Variants in PIK3C3 observed in about 807,000 individuals in gnomAD.
PIK3C3 encodes the protein phosphatidylinositol 3-kinase catalytic subunit type 3, also known as PI3-kinase type 3.
Under a neutral mutation model 126.1 loss-of-function variants are expected in PIK3C3, and 95 were observed. The ratio of observed to expected loss-of-function variants is 0.75; its 90% CI spans 0.64 to 0.89. The LOEUF is 0.89. PIK3C3 is among the 40% of genes least tolerant of loss of function. The probability of loss-of-function intolerance (pLI) is 0.00; values close to 1 mark genes in which losing one functional copy is unlikely to be tolerated. For synonymous variants in PIK3C3, 374 were observed against 360.0 expected (o/e 1.04, Z -0.44); for missense variants, 829 against 1,063.2 (o/e 0.78, Z 3.06).
rs555714824 is a variant in PIK3C3 at position 42,085,322 on chromosome 18, T to C, written c.*4185T>C. ...ATTTGCTGTAACATTTTAAGAAATATGTAGTTTCTAAAACTTCATATACTT... is the reference window on the plus strand; with the variant it reads ...ATTTGCTGTAACATTTTAAGAAATACGTAGTTTCTAAAACTTCATATACTT... On this transcript the variant is annotated 3_prime_UTR_variant, in exon 25 of 25. Transcript: ENST00000262039. 3 of 152,302 alleles carry C rather than the reference T, an allele frequency of 2.0e-5. No individual in the cohort carries two copies. Among genetic ancestry groups the C allele is most frequent in the South Asian group, 2.1e-4 (1 of 4,822 alleles). 9.4% of individuals were successfully genotyped at this position (152,302 alleles called of 1,614,324 possible).
chr18:42,013,874 C>T (rs935715674), intron 11 of PIK3C3, among the ~76,000 whole-genome samples: 3 of 152,026 alleles, frequency 2.0e-5, no homozygotes, highest in Admixed American at 6.6e-5. Flanking sequence ...TATGTGTCTC[C>T]GGTTTCTTAA....
intron 1 of PIK3C3, among the ~76,000 whole-genome samples, chr18:41,956,495 T>C (rs962268369): frequency 6.6e-6 from 1 of 152,092 alleles, no homozygotes; most frequent in Non-Finnish European, 1.5e-5. Flanking sequence ...ATGAATGCAT[T>C]TTTTGAAATG....
chr18:42,010,405 G>C (rs1982768132), intron 10 of PIK3C3, among the ~76,000 whole-genome samples: 1 of 152,026 alleles, frequency 6.6e-6, no homozygotes, highest in Admixed American at 6.6e-5. Flanking sequence ...TCCTTCTGTT[G>C]CCCAGGCTGG....
intron 4 of PIK3C3, chr18:41,971,067 T>C (rs1189771736): frequency 3.9e-5 from 6 of 153,276 alleles, no homozygotes; most frequent in African/African-American, 1.4e-4. Flanking sequence ...AAAATTGTTT[T>C]AATCAAGTGT....
intron 16 of PIK3C3, 71 bp downstream of exon 16, chr18:42,034,028 G>T: frequency 9.5e-7 from 1 of 1,056,394 alleles, no homozygotes; most frequent in South Asian, 1.7e-5. Flanking sequence ...ATACTACCTT[G>T]GAAAACTATT....
intron 2 of PIK3C3, among the ~76,000 whole-genome samples, chr18:41,961,612 A>T (rs1476652156): frequency 6.6e-6 from 1 of 152,190 alleles, no homozygotes; most frequent in East Asian, 1.9e-4. Context: ...CCCTTAGATA[A>T]TAACTTTGAA....
At chr18:42,072,232 G>A (rs987248646) in intron 24 of PIK3C3, among the ~76,000 whole-genome samples, 18 of 152,090 alleles carry the variant, frequency 1.2e-4, no homozygotes, top group African/African-American at 3.9e-4. Flanking sequence ...ATTGTGGATA[G>A]TAGAACCAAC....
intron 4 of PIK3C3, among the ~76,000 whole-genome samples, chr18:41,975,243 C>A (rs1216645603): frequency 6.6e-6 from 1 of 152,178 alleles, no homozygotes; most frequent in Non-Finnish European, 1.5e-5. Context: ...AGAATAGGTT[C>A]ATGCCAACCA....
intron 3 of PIK3C3, among the ~76,000 whole-genome samples, chr18:41,969,791 C>T (rs1980561282): frequency 6.6e-6 from 1 of 152,060 alleles, no homozygotes; most frequent in Admixed American, 6.6e-5. Context: ...GATACAAGTC[C>T]TTTTATCCTA....
intron 24 of PIK3C3, among the ~76,000 whole-genome samples, chr18:42,074,068 A>G (rs1985882944): frequency 6.6e-6 from 1 of 152,162 alleles, no homozygotes; most frequent in Admixed American, 6.5e-5. Flanking sequence ...AGTTACTTGA[A>G]AGTCGCTCTT....
At chr18:42,019,958 C>A (rs1983248541) in intron 12 of PIK3C3, among the ~76,000 whole-genome samples, 1 of 151,978 alleles carries the variant, frequency 6.6e-6, no homozygotes, top group Non-Finnish European at 1.5e-5. Flanking sequence ...ATTATACTTC[C>A]AAGATATTTC....
chr18:41,972,380 CTACT>C (rs1246725442), intron 4 of PIK3C3, among the ~76,000 whole-genome samples: 20 of 151,970 alleles, frequency 1.3e-4, no homozygotes, highest in African/African-American at 4.8e-4. Flanking sequence ...CAAGTGGATC[CTACT>C]TTTTCAAGAG....
intron 4 of PIK3C3, among the ~76,000 whole-genome samples, chr18:41,987,409 A>T (rs1981537518): frequency 1.3e-5 from 2 of 152,052 alleles, no homozygotes; most frequent in Admixed American, 1.3e-4. Flanking sequence ...ATTACCTGTA[A>T]CTGTCATTTT....
chr18:42,037,890 T>A (rs981246733), intron 17 of PIK3C3, 70 bp downstream of exon 17: 2 of 1,379,262 alleles, frequency 1.5e-6, no homozygotes, highest in East Asian at 4.6e-5. Flanking sequence ...GTTCATTTGC[T>A]GTTTATGGAA....
rs150329451 is a variant in PIK3C3 at position 41,970,424 on chromosome 18, C to G, written c.499C>G (p.Leu167Val). Residue 167 changes from leucine to valine, a missense_variant, in exon 4 of 25, where the codon CTC (leucine) becomes GTC (valine). Leu to Val is a conservative substitution (Grantham distance 32, BLOSUM62 1). Coordinates refer to ENST00000262039, the MANE Select transcript of PIK3C3 (RefSeq NM_002647.4). ...AACTCCTGGCAGAACAAGTAGCACT[C>G]TCTCAGAAGATCAGATGAGCCGTCT... ...TKTPGRTSST[L>V]SEDQMSRLAK... The G allele has an allele frequency of 5.6e-6, 9 of 1,613,780 alleles. No individual in the cohort carries two copies. In the South Asian group the frequency reaches 6.6e-5, roughly 12 times the overall value.
At position 42,013,319 on chromosome 18, in the gene PIK3C3, A is replaced by G; in HGVS notation, c.1171-123A>G. 4.8e-6 allele frequency: 3 copies of G among 623,704 alleles called. No individual in the cohort carries two copies. The South Asian group carries it at 6.9e-5, about 14-fold the overall frequency. 38.6% of individuals were successfully genotyped at this position (623,704 alleles called of 1,614,324 possible). ...TTAAGTAATTTGGTGACGTGCCAAA[A>G]GTAATACAGCTGAAAAGTGATAGAT... On this transcript the variant is annotated intron_variant, in intron 10 of 24. Coordinates refer to ENST00000262039, the MANE Select transcript of PIK3C3 (RefSeq NM_002647.4).
At chr18:42,033,682 C>T (rs879165445) in intron 15 of PIK3C3, 144 bp from the exon 16 acceptor site, 1 of 511,044 alleles carries the variant, frequency 2.0e-6, no homozygotes, top group South Asian at 2.6e-5. Context: ...GCTTGTCTCT[C>T]ACATACAACA....
chr18:42,027,964 C>T (rs769258770), intron 14 of PIK3C3, among the ~76,000 whole-genome samples: 10 of 151,792 alleles, frequency 6.6e-5, no homozygotes, highest in Admixed American at 1.3e-4. Context: ...CCTGGTTTAG[C>T]GGTTGAAAAG....
intron 2 of PIK3C3, among the ~76,000 whole-genome samples, chr18:41,962,226 T>G (rs1980125151): frequency 6.6e-6 from 1 of 152,182 alleles, no homozygotes; most frequent in African/African-American, 2.4e-5. Flanking sequence ...GCCATTATAT[T>G]ATCTGGTGTC....
Sources: allele counts gnomAD v4.1 joint callset (sites outside exome capture counted in the v4.1 genomes callset), GRCh38; gene constraint gnomAD v4.1.1; transcripts MANE v1.5; gene names NCBI Gene and HGNC (gene_info 2026-07-23, HGNC 2026-07-21).